STK10: variants seen among roughly 807,000 people sequenced by gnomAD.
STK10 encodes serine/threonine kinase 10.
Under a neutral mutation model 113.8 loss-of-function variants are expected in STK10, and 78 were observed. The ratio of observed to expected loss-of-function variants is 0.69; its 90% CI spans 0.57 to 0.83. The LOEUF (loss-of-function observed/expected upper bound fraction) is 0.83, where lower values mean the gene tolerates loss of function less well. STK10 is among the 40% of genes least tolerant of loss of function. The pLI is 0.00. For synonymous variants in STK10, 465 were observed against 494.7 expected (o/e 0.94, Z 0.80); for missense variants, 1,109 against 1,280.1 (o/e 0.87, Z 2.04).
At position 172,166,478 on chromosome 5, in the gene STK10, C is replaced by T. The variant is rs560967750; in HGVS notation, c.157-9690G>A. Among the ~76,000 whole-genome samples, 78 of 152,266 alleles carry T rather than the reference C, an allele frequency of 5.1e-4. 1 individual carries two copies. The South Asian group carries it at 0.016, about 32-fold the overall frequency. ...CACAACACGCGTGTATCAAGGGCCA[C>T]CTTCATTCCCAAGCCCACCATAATC... On this transcript the variant is annotated intron_variant, in intron 1 of 18. Coordinates refer to ENST00000176763, the MANE Select transcript of STK10 (RefSeq NM_005990.4).
rs192839759 is a variant in STK10, at chr5:172,101,086, G to A, written c.871-4526C>T. 2.0e-5 allele frequency among the ~76,000 whole-genome samples: 3 copies of A among 152,304 alleles called. No individual in the cohort carries two copies. The East Asian group carries it at 5.8e-4, about 29-fold the overall frequency. ...GAACAGCATCTACTTCAGAGCGTTG[G>A]TATGAGGATTAAATTAGGTGACATT... On this transcript the variant is annotated intron_variant, in intron 7 of 18. Coordinates refer to ENST00000176763, the MANE Select transcript of STK10 (RefSeq NM_005990.4).
chr5:172,099,014 T>C (rs547842562), intron 7 of STK10, among the ~76,000 whole-genome samples: 2 of 149,054 alleles, frequency 1.3e-5, no homozygotes, highest in African/African-American at 5.0e-5. Flanking sequence ...ATTACCATCA[T>C]CATCATCACC....
rs776959847 is a variant in STK10, at chr5:172,061,282, G to A, written c.2083-14C>T. ...AAAGTCCCGGTCCTGTGGGGAGAGA[G>A]GAGGACAGGCCTTTATCCAGAGCCG... On this transcript the variant is annotated splice_polypyrimidine_tract_variant and intron_variant, in intron 13 of 18. Coordinates refer to ENST00000176763, the MANE Select transcript of STK10 (RefSeq NM_005990.4). 1.2e-6 allele frequency: 2 copies of A among 1,606,916 alleles called. No homozygotes were observed. Among genetic ancestry groups the A allele is most frequent in the Non-Finnish European group, 1.7e-6 (2 of 1,178,228 alleles).
At chr5:172,088,398 C>T (rs1314212145) in intron 10 of STK10, among the ~76,000 whole-genome samples, 2 of 152,056 alleles carry the variant, frequency 1.3e-5, no homozygotes, top group East Asian at 1.9e-4. Flanking sequence ...GTGGCGGGCA[C>T]CTGTAGTCCC....
chr5:172,101,860 C>A (rs558346190), intron 7 of STK10, among the ~76,000 whole-genome samples: 4 of 152,172 alleles, frequency 2.6e-5, no homozygotes, highest in Admixed American at 2.6e-4. Context: ...GTGCCAAGGC[C>A]CTGAGGCAGG....
chr5:172,134,805 T>C (rs1319588535), intron 2 of STK10, among the ~76,000 whole-genome samples: 3 of 151,024 alleles, frequency 2.0e-5, no homozygotes, highest in African/African-American at 7.3e-5. Flanking sequence ...ACACCTGTGG[T>C]CCCAGATACT....
intron 9 of STK10, among the ~76,000 whole-genome samples, chr5:172,090,816 T>C (rs1242577625): frequency 2.0e-5 from 3 of 151,514 alleles, no homozygotes; most frequent in Non-Finnish European, 4.4e-5. Context: ...GTGCCTGTAA[T>C]CACAGCTACT....
chr5:172,185,087 A>C (rs1770930003), intron 1 of STK10, among the ~76,000 whole-genome samples: 1 of 152,110 alleles, frequency 6.6e-6, no homozygotes, highest in Non-Finnish European at 1.5e-5. Flanking sequence ...GTCTTAAGGG[A>C]CTAAAGCAGG....
intron 9 of STK10, 137 bp from the exon 10 acceptor site, chr5:172,090,499 C>T: frequency 7.9e-7 from 1 of 1,258,366 alleles, no homozygotes. Flanking sequence ...TCCATCGTCC[C>T]TCTTGCCTCA....
intron 2 of STK10, among the ~76,000 whole-genome samples, chr5:172,153,414 T>A (rs1770287174): frequency 6.6e-6 from 1 of 152,208 alleles, no homozygotes; most frequent in Non-Finnish European, 1.5e-5. Context: ...CCATTTGATA[T>A]TCAAAAGCAG....
chr5:172,044,724 G>C lies in STK10; in HGVS notation c.*158C>G, dbSNP rs563262353. On this transcript the variant is annotated 3_prime_UTR_variant, in exon 19 of 19. Transcript: ENST00000176763. The surrounding 1 kb of genome is among the most constrained non-coding windows in gnomAD (Gnocchi z 4.5). Reference sequence around the variant, plus strand: ...GCAAGAAGTCAGGAACGCTGGGGCAGGTCTATCAGGCACAGTTGGGGTGGC... The same window carrying C: ...GCAAGAAGTCAGGAACGCTGGGGCACGTCTATCAGGCACAGTTGGGGTGGC... 3 of 1,207,070 alleles carry C rather than the reference G, an allele frequency of 2.5e-6. No individual in the cohort carries two copies. The East Asian group carries it at 7.0e-5, about 28-fold the overall frequency. The allele number at this position is 1,207,070 out of a possible 1,614,324, so 74.8% of individuals were successfully genotyped here. A position where few individuals can be genotyped will look rare whatever the true frequency, so the allele number is the denominator to read the frequency against.
rs1048087140 is a variant in STK10 at position 172,043,193 on chromosome 5, C to G, written c.*1689G>C. 6.6e-6 allele frequency: 1 copy of G among 150,984 alleles called. No individual in the cohort carries two copies. The highest frequency in any genetic ancestry group is 1.5e-5 in the Non-Finnish European group (1 of 68,094). 9.4% of individuals were successfully genotyped at this position (150,984 alleles called of 1,614,324 possible). On this transcript the variant is annotated 3_prime_UTR_variant, in exon 19 of 19. Coordinates refer to ENST00000176763, the MANE Select transcript of STK10 (RefSeq NM_005990.4). ...TACTGCAACCTCTGCCTCCTGGGTTCAAGCGATTCTCCTGCCTCAGCCTCC... is the reference window on the plus strand; with the variant it reads ...TACTGCAACCTCTGCCTCCTGGGTTGAAGCGATTCTCCTGCCTCAGCCTCC...
chr5:172,045,051 T>C, intron 18 of STK10, 29 bp from the exon 19 acceptor site: 1 of 1,611,758 alleles, frequency 6.2e-7, no homozygotes, highest in Non-Finnish European at 8.5e-7. Context: ...GGATGGCACT[T>C]GGTGAGATCT....
intron 1 of STK10, among the ~76,000 whole-genome samples, chr5:172,179,499 T>C (rs1019439542): frequency 1.3e-5 from 2 of 151,912 alleles, no homozygotes; most frequent in African/African-American, 4.8e-5. Context: ...GGAGGGCGGG[T>C]CCATCTGTTT....
At chr5:172,083,765 G>A (rs1768484742) in intron 10 of STK10, among the ~76,000 whole-genome samples, 2 of 151,928 alleles carry the variant, frequency 1.3e-5, no homozygotes. Context: ...AAAATTAGCT[G>A]GACATGGTGG....
intron 1 of STK10, among the ~76,000 whole-genome samples, chr5:172,164,940 C>T (rs565045443): frequency 1.9e-3 from 295 of 152,360 alleles, no homozygotes; most frequent in Middle Eastern, 6.8e-3. Flanking sequence ...CACACCCTTG[C>T]GAGCAGATAC....
At chr5:172,149,501 T>C (rs1770161115) in intron 2 of STK10, among the ~76,000 whole-genome samples, 1 of 149,128 alleles carries the variant, frequency 6.7e-6, no homozygotes, top group Non-Finnish European at 1.5e-5. Context: ...TGCTCGTGTG[T>C]GTGTGTGTGT....
chr5:172,153,300 GAAAGAAAGAAA>G lies in STK10; in HGVS notation c.321+3313_321+3323del, dbSNP rs1770279924. Among the ~76,000 whole-genome samples, 3 of 53,872 alleles carry G rather than the reference GAAAGAAAGAAA, an allele frequency of 5.6e-5. No homozygotes were observed. In the African/African-American group the frequency reaches 6.7e-4, roughly 12 times the overall value. 35.3% of individuals were successfully genotyped at this position (53,872 alleles called of 152,430 possible). A position where few individuals can be genotyped will look rare whatever the true frequency, so the allele number is the denominator to read the frequency against. ...AAACTCCATCTCAAAAAGAAAGAAA[GAAAGAAAGAAA>G]GAAAGAAAGAAAGAAATGTAAAATG... On this transcript the variant is annotated intron_variant, in intron 2 of 18. Transcript: ENST00000176763.
At chr5:172,065,934 A>T (rs1377030049) in intron 12 of STK10, among the ~76,000 whole-genome samples, 1 of 152,188 alleles carries the variant, frequency 6.6e-6, no homozygotes, top group Non-Finnish European at 1.5e-5. Context: ...TTCTTAAGCC[A>T]GCTGGGATTG....
Sources: gnomAD v4.1 joint callset for allele counts (sites outside exome capture counted in the v4.1 genomes callset) on GRCh38, gnomAD v4.1.1 for gene constraint, Gnocchi (gnomAD v3.1) non-coding constraint, MANE v1.5 for transcripts, NCBI Gene and HGNC (gene_info 2026-07-23, HGNC 2026-07-21) for gene names.